Variants in BICD1 observed in about 807,000 individuals in gnomAD.
BICD1 encodes protein bicaudal D homolog 1.
In BICD1, 35 loss-of-function variants were observed where a neutral mutation model predicts 92.5. The observed-to-expected ratio is 0.38, with a 90% CI of 0.29 to 0.50. The LOEUF (loss-of-function observed/expected upper bound fraction) is 0.50. BICD1 is among the 20% of genes least tolerant of loss of function. The pLI is 0.93. For synonymous variants in BICD1, 429 were observed against 465.1 expected (o/e 0.92, Z 1.00); for missense variants, 950 against 1,189.8 (o/e 0.80, Z 2.97).
At chr12:32,155,528 C>G (rs1289853233) in intron 1 of BICD1, among the ~76,000 whole-genome samples, 1 of 152,018 alleles carries the variant, frequency 6.6e-6, no homozygotes, top group East Asian at 1.9e-4. Context: ...ATCTCAAAGT[C>G]AAAAATACTT....
chr12:32,293,625 C>T (rs531630071), intron 2 of BICD1, among the ~76,000 whole-genome samples: 3 of 152,202 alleles, frequency 2.0e-5, no homozygotes, highest in East Asian at 3.9e-4. Context: ...CCACAGCGCC[C>T]GGCCTTTCTC....
At chr12:32,244,076 T>TTTTTTTTTTTTTTTTTTTTTTTTTGTA (rs1565613579) in intron 2 of BICD1, among the ~76,000 whole-genome samples, 1 of 152,136 alleles carries the variant, frequency 6.6e-6, no homozygotes, top group African/African-American at 2.4e-5. Flanking sequence ...ACTCATTCTT[T>TTTTTTTTTTTTTTTTTTTTTTTTTGTA]ATCTGCTATT....
At chr12:32,231,170 GGA>G (rs1945875062) in intron 2 of BICD1, among the ~76,000 whole-genome samples, 1 of 152,034 alleles carries the variant, frequency 6.6e-6, no homozygotes, top group Non-Finnish European at 1.5e-5. Flanking sequence ...CAAATATTTG[GGA>G]GAAAACTTCA....
intron 1 of BICD1, among the ~76,000 whole-genome samples, chr12:32,122,901 G>A (rs1330384953): frequency 3.3e-5 from 5 of 152,200 alleles, no homozygotes. Flanking sequence ...AATGCTGTGA[G>A]CAGATAGGTC....
chr12:32,173,750 A>G (rs1478954735), intron 1 of BICD1, among the ~76,000 whole-genome samples: 2 of 152,228 alleles, frequency 1.3e-5, no homozygotes, highest in African/African-American at 2.4e-5. Context: ...TCATCTCTGA[A>G]AAAGTATTCA....
At chr12:32,273,747 T>C (rs1371003566) in intron 2 of BICD1, among the ~76,000 whole-genome samples, 3 of 152,206 alleles carry the variant, frequency 2.0e-5, no homozygotes, top group Non-Finnish European at 4.4e-5. Flanking sequence ...AACCGGGTTC[T>C]TGTCACACAA....
chr12:32,308,214 G>A (rs141498967), intron 4 of BICD1, among the ~76,000 whole-genome samples: 233 of 152,300 alleles, frequency 1.5e-3, no homozygotes, highest in African/African-American at 5.4e-3. Flanking sequence ...TTTGGTTTAG[G>A]CGGTTCCTCA....
intron 3 of BICD1, among the ~76,000 whole-genome samples, chr12:32,298,704 C>T (rs1947950273): frequency 6.7e-6 from 1 of 148,692 alleles, no homozygotes; most frequent in African/African-American, 2.5e-5. Context: ...AACCCCGTCT[C>T]TACTAAAAAT....
intron 4 of BICD1, among the ~76,000 whole-genome samples, chr12:32,321,196 C>T (rs901402398): frequency 3.3e-5 from 5 of 151,904 alleles, no homozygotes; most frequent in South Asian, 4.2e-4. Flanking sequence ...CGTGGTGGCA[C>T]GTCCCTGTAA....
In BICD1 at chr12:32,296,242, AG is replaced by A. The variant is rs1218571246; in HGVS notation, c.579+2100del. ...TTCTCGAATACTTTTTAAAATAAGA[AG>A]GGGTTTTTTTTTGTTTTTTTTTTTT... On this transcript the variant is annotated intron_variant, in intron 3 of 9. Transcript: ENST00000652176. 1.1e-3 allele frequency among the ~76,000 whole-genome samples: 142 copies of A among 124,158 alleles called. 1 individual carries two copies. Among genetic ancestry groups the A allele is most frequent in the South Asian group, 9.1e-3 (34 of 3,728 alleles). The allele number at this position is 124,158 out of a possible 152,430, so 81.5% of individuals were successfully genotyped here. A position where few individuals can be genotyped will look rare whatever the true frequency, so the allele number is the denominator to read the frequency against.
intron 3 of BICD1, among the ~76,000 whole-genome samples, chr12:32,296,798 T>C (rs532409971): frequency 6.6e-6 from 1 of 152,290 alleles, no homozygotes; most frequent in East Asian, 1.9e-4. Flanking sequence ...TTAGATATTC[T>C]TGAAAGACTG....
intron 1 of BICD1, among the ~76,000 whole-genome samples, chr12:32,159,880 A>G (rs1943549845): frequency 8.3e-6 from 1 of 120,118 alleles, no homozygotes; most frequent in South Asian, 2.7e-4. Flanking sequence ...AAGAGAAATT[A>G]CAAAACTGCC....
chr12:32,148,340 C>T (rs942771723), intron 1 of BICD1, among the ~76,000 whole-genome samples: 7 of 152,188 alleles, frequency 4.6e-5, no homozygotes, highest in South Asian at 4.1e-4. Flanking sequence ...CCATGTTCCC[C>T]GCAACAGGCA....
chr12:32,306,065 C>T lies in BICD1; in HGVS notation c.948C>T (p.Asp316=), dbSNP rs1369834925. The change falls in exon 4 of 10, where the codon GAC becomes GAT. Residue 316 remains aspartate, a synonymous_variant. Coordinates refer to ENST00000652176, the MANE Select transcript of BICD1 (RefSeq NM_001714.4). ...GAGAGTCTCTGAACCCTGTCTCTGA[C>T]TTATTCAGTGAGCTGAACATTTCAG... is the stretch of plus-strand genomic sequence containing the variant. ...RKGESLNPVS[D]LFSELNISEI... 1.2e-6 allele frequency: 2 copies of T among 1,613,534 alleles called. No homozygotes were observed. Among genetic ancestry groups the T allele is most frequent in the Non-Finnish European group, 1.7e-6 (2 of 1,179,852 alleles).
intron 1 of BICD1, among the ~76,000 whole-genome samples, chr12:32,163,933 G>A (rs561936953): frequency 6.6e-6 from 1 of 152,132 alleles, no homozygotes; most frequent in East Asian, 1.9e-4. Context: ...AACTAAATAT[G>A]CTAAAGCCAA....
At chr12:32,358,947 T>C (rs1419813487) in intron 8 of BICD1, among the ~76,000 whole-genome samples, 6 of 152,202 alleles carry the variant, frequency 3.9e-5, no homozygotes, top group Non-Finnish European at 8.8e-5. Flanking sequence ...CTGCCCGCTC[T>C]TCCTTTTCTG....
chr12:32,283,657 C>T (rs708227), intron 2 of BICD1, among the ~76,000 whole-genome samples: 94,190 of 151,986 alleles, frequency 0.62, 30,202 homozygotes, highest in Middle Eastern at 0.77. Flanking sequence ...GGTGGAAGAG[C>T]GAGTGGTTTG....
chr12:32,113,279 AG>A (rs2121152110), intron 1 of BICD1, among the ~76,000 whole-genome samples: 2 of 152,260 alleles, frequency 1.3e-5, no homozygotes, highest in East Asian at 3.9e-4. Flanking sequence ...AAGACAGTGG[AG>A]CTGAGAATCT....
chr12:32,239,546 A>T (rs925648681), intron 2 of BICD1, among the ~76,000 whole-genome samples: 6 of 146,790 alleles, frequency 4.1e-5, no homozygotes, highest in Non-Finnish European at 9.0e-5. Context: ...AGTGCAGTGG[A>T]GTGCAGTGGT....
Sources: gnomAD v4.1 joint callset for allele counts (sites outside exome capture counted in the v4.1 genomes callset) on GRCh38, gnomAD v4.1.1 for gene constraint, MANE v1.5 for transcripts, NCBI Gene and HGNC (gene_info 2026-07-23, HGNC 2026-07-21) for gene names.